The following PTPRE variants were observed in gnomAD, a reference collection of about 807,000 sequenced individuals.
PTPRE encodes protein tyrosine phosphatase receptor type E.
In PTPRE, 51 loss-of-function variants were observed where a neutral mutation model predicts 102.0. The observed-to-expected ratio is 0.50, with a 90% CI of 0.40 to 0.63. The LOEUF is 0.63. PTPRE is among the 30% of genes least tolerant of loss of function. The probability of loss-of-function intolerance (pLI) is 0.00; values close to 1 mark genes in which losing one functional copy is unlikely to be tolerated. For synonymous variants in PTPRE, 345 were observed against 348.2 expected (o/e 0.99, Z 0.10); for missense variants, 752 against 915.1 (o/e 0.82, Z 2.30).
intron 12 of PTPRE, 83 bp downstream of exon 12, chr10:128,068,369 C>T: frequency 6.8e-7 from 1 of 1,473,872 alleles, no homozygotes; most frequent in East Asian, 2.3e-5. Flanking sequence ...TGCCAGGGGA[C>T]CAATATCAGG....
intron 1 of PTPRE, among the ~76,000 whole-genome samples, chr10:127,937,287 T>A (rs943673402): frequency 6.6e-6 from 1 of 152,218 alleles, no homozygotes; most frequent in Non-Finnish European, 1.5e-5. Flanking sequence ...AGTCACTTGA[T>A]TAAAATTCCT....
At chr10:128,047,332 C>A in intron 3 of PTPRE, 58 bp from the exon 4 acceptor site, 2 of 1,578,830 alleles carry the variant, frequency 1.3e-6, no homozygotes, top group Non-Finnish European at 8.6e-7. Context: ...TGGAGGGAGA[C>A]TCTTTTGCAA....
intron 1 of PTPRE, among the ~76,000 whole-genome samples, chr10:127,963,192 G>A: frequency 6.6e-6 from 1 of 152,038 alleles, no homozygotes; most frequent in Non-Finnish European, 1.5e-5. Context: ...TGGGGTGAGT[G>A]ATCACAGCTG....
intron 2 of PTPRE, among the ~76,000 whole-genome samples, chr10:128,019,780 A>G (rs1253626416): frequency 6.6e-6 from 1 of 152,214 alleles, no homozygotes; most frequent in Non-Finnish European, 1.5e-5. Context: ...AGGGGGTGCC[A>G]GACAGGGTCC....
At chr10:127,998,937 T>A (rs1851794363) in intron 2 of PTPRE, 1 of 151,992 alleles carries the variant, frequency 6.6e-6, no homozygotes, top group Non-Finnish European at 1.5e-5. Flanking sequence ...CAGAACAGAG[T>A]AGACCTTGAG....
intron 1 of PTPRE, among the ~76,000 whole-genome samples, chr10:127,913,180 T>C (rs544078167): frequency 6.6e-6 from 1 of 152,076 alleles, no homozygotes; most frequent in Non-Finnish European, 1.5e-5. Context: ...GGCCCCATGA[T>C]CACCAAAGGG....
At chr10:127,934,485 A>G (rs1847686332) in intron 1 of PTPRE, 1 of 152,224 alleles carries the variant, frequency 6.6e-6, no homozygotes, top group Admixed American at 6.5e-5. Flanking sequence ...CTTCACAGAA[A>G]GCTCGGTGAC....
At chr10:127,978,365 C>A (rs977113550) in intron 1 of PTPRE, among the ~76,000 whole-genome samples, 2 of 151,688 alleles carry the variant, frequency 1.3e-5, no homozygotes, top group Non-Finnish European at 2.9e-5. Context: ...ATCAGGAGAC[C>A]CTGTCTCTAC....
At chr10:127,988,120 G>T (rs1186180160) in intron 2 of PTPRE, among the ~76,000 whole-genome samples, 3 of 152,130 alleles carry the variant, frequency 2.0e-5, no homozygotes, top group Non-Finnish European at 4.4e-5. Flanking sequence ...CAGACCCGGC[G>T]GTGCATCAGG....
At chr10:127,931,190 G>A (rs574687692) in intron 1 of PTPRE, among the ~76,000 whole-genome samples, 1 of 152,100 alleles carries the variant, frequency 6.6e-6, no homozygotes, top group South Asian at 2.1e-4. Context: ...GACTCACAGT[G>A]TCCAGTATCT....
At chr10:127,987,504 G>A in intron 2 of PTPRE, 2 of 443,524 alleles carry the variant, frequency 4.5e-6, no homozygotes, top group South Asian at 5.0e-5. Flanking sequence ...ATATTACCAG[G>A]AAGGCGTCGT....
At chr10:128,072,847 A>G (rs1850902145) in intron 16 of PTPRE, among the ~76,000 whole-genome samples, 1 of 152,112 alleles carries the variant, frequency 6.6e-6, no homozygotes, top group African/African-American at 2.4e-5. Context: ...TGCAATGTGT[A>G]CCCACGTGGA....
chr10:128,017,938 C>G (rs1845570353), intron 2 of PTPRE, among the ~76,000 whole-genome samples: 1 of 152,240 alleles, frequency 6.6e-6, no homozygotes, highest in Non-Finnish European at 1.5e-5. Flanking sequence ...GGGCATCCTG[C>G]ATGCTTCGCA....
At chr10:127,939,926 G>GCAGGAGGAGA (rs1298508042) in intron 1 of PTPRE, among the ~76,000 whole-genome samples, 2 of 151,626 alleles carry the variant, frequency 1.3e-5, no homozygotes, top group African/African-American at 4.9e-5. Flanking sequence ...GCAGGTGGAG[G>GCAGGAGGAGA]CAGGAGGAGA....
intron 2 of PTPRE, among the ~76,000 whole-genome samples, chr10:127,990,434 GAAAGA>G (rs1852529281): frequency 7.8e-6 from 1 of 128,498 alleles, no homozygotes; most frequent in Non-Finnish European, 1.7e-5. Context: ...AAAAAAAAAA[GAAAGA>G]AAAGAAAAGA....
chr10:127,937,893 G>GGTGT (rs143990936), intron 1 of PTPRE, among the ~76,000 whole-genome samples: 1 of 150,198 alleles, frequency 6.7e-6, no homozygotes, highest in African/African-American at 2.4e-5. Context: ...ACTCGTAAGG[G>GGTGT]GTGTGTGTGT....
In PTPRE at chr10:127,967,686, C is replaced by T. The variant is rs192844369; in HGVS notation, c.-30-14588C>T. Among the ~76,000 whole-genome samples, 270 of 152,280 alleles carry T rather than the reference C, an allele frequency of 1.8e-3. 2 individuals carry two copies. The highest frequency in any genetic ancestry group is 3.9e-3 in the South Asian group (19 of 4,818). On this transcript the variant is annotated intron_variant, in intron 1 of 20. Transcript: ENST00000254667. ...AAATGCAGCATCCTTACAGAAAAGTCTGCACCAGTCATAAGCACACAGAGC... is the reference window on the plus strand; with the variant it reads ...AAATGCAGCATCCTTACAGAAAAGTTTGCACCAGTCATAAGCACACAGAGC...
At chr10:128,045,695 T>C (rs562730810) in intron 3 of PTPRE, among the ~76,000 whole-genome samples, 239 of 152,306 alleles carry the variant, frequency 1.6e-3, no homozygotes, top group African/African-American at 5.4e-3. Context: ...GGGTGCTCTC[T>C]GGAGCTGCAA....
At chr10:128,010,545 C>CCTTTTCTTTTCTTTTCTTTTCTTTTTT (rs1844896626) in intron 2 of PTPRE, among the ~76,000 whole-genome samples, 2 of 128,278 alleles carry the variant, frequency 1.6e-5, no homozygotes, top group Non-Finnish European at 1.6e-5. Context: ...AAACCCTGTT[C>CCTTTTCTTTTCTTTTCTTTTCTTTTTT]CTTTTCTTTT....
Sources: allele counts gnomAD v4.1 joint callset (sites outside exome capture counted in the v4.1 genomes callset), GRCh38; gene constraint gnomAD v4.1.1; transcripts MANE v1.5; gene names NCBI Gene and HGNC (gene_info 2026-07-23, HGNC 2026-07-21).